MYT1L: variants seen among roughly 807,000 people sequenced by gnomAD.
MYT1L encodes myelin transcription factor 1 like, also known as myelin transcription factor 1-like protein.
A neutral mutation model predicts 126.7 loss-of-function variants in MYT1L; 12 were observed. The ratio of observed to expected loss-of-function variants is 0.09; its 90% CI spans 0.06 to 0.15. The LOEUF (loss-of-function observed/expected upper bound fraction) is 0.15, where lower values mean the gene tolerates loss of function less well. Ranked by LOEUF, MYT1L falls within the 10% of genes least tolerant of loss-of-function variation. MYT1L has a pLI of 1.00. For synonymous variants in MYT1L, 541 were observed against 604.2 expected (o/e 0.90, Z 1.53); for missense variants, 979 against 1,585.2 (o/e 0.62, Z 6.49).
chr2:2,294,923 T>C (rs2095649404), intron 1 of MYT1L, among the ~76,000 whole-genome samples: 1 of 152,148 alleles, frequency 6.6e-6, no homozygotes, highest in Admixed American at 6.5e-5. Context: ...TGTGCATAAA[T>C]GAGATCAATA....
In MYT1L at chr2:1,801,833, T is replaced by C. The variant is rs748309549; in HGVS notation, c.3173-34A>G. On this transcript the variant is annotated intron_variant, in intron 22 of 24. Transcript: ENST00000647738. This position sits in a 1 kb window ranked among gnomAD's most constrained non-coding sequence, Gnocchi z 4.2. ...ATGAATATTAGTATGTTAAAACTGTTATATACAAAAATATTAGAGTTAGAA... is the reference window on the plus strand; with the variant it reads ...ATGAATATTAGTATGTTAAAACTGTCATATACAAAAATATTAGAGTTAGAA... 1 of 1,338,678 alleles carries C rather than the reference T, an allele frequency of 7.5e-7. No homozygotes were observed. Among genetic ancestry groups the C allele is most frequent in the African/African-American group, 1.5e-5 (1 of 67,890 alleles). 82.9% of individuals were successfully genotyped at this position (1,338,678 alleles called of 1,614,324 possible). A position where few individuals can be genotyped will look rare whatever the true frequency, so the allele number is the denominator to read the frequency against.
At chr2:1,941,783 T>G (rs1178153846) in intron 9 of MYT1L, among the ~76,000 whole-genome samples, 4 of 152,336 alleles carry the variant, frequency 2.6e-5, no homozygotes, top group Middle Eastern at 3.4e-3. Context: ...TCTGTGCCTG[T>G]GTATATATGT....
chr2:2,145,556 C>G (rs11883587), intron 3 of MYT1L, among the ~76,000 whole-genome samples: 2 of 151,652 alleles, frequency 1.3e-5, no homozygotes, highest in Non-Finnish European at 2.9e-5. Context: ...AGAGCTCATT[C>G]TAAAGTAAAA....
At chr2:2,003,118 C>T (rs996347120) in intron 4 of MYT1L, among the ~76,000 whole-genome samples, 2 of 152,126 alleles carry the variant, frequency 1.3e-5, no homozygotes, top group Non-Finnish European at 2.9e-5. Flanking sequence ...TACAACTGCT[C>T]CAAAATATGC....
In MYT1L at chr2:1,917,009, G is replaced by A. The variant is rs919733859; in HGVS notation, c.1618+196C>T. On this transcript the variant is annotated intron_variant, in intron 11 of 24. Coordinates refer to ENST00000647738, the MANE Select transcript of MYT1L (RefSeq NM_001303052.2). This position sits in a 1 kb window ranked among gnomAD's most constrained non-coding sequence, Gnocchi z 5.9. ...TTTGTTAGGGGCGGTGGGCTTCATG[G>A]TGCACCACTCTCCTGGGGCTGTGCC... Among the ~76,000 whole-genome samples, 1 of 152,202 alleles carries A rather than the reference G, an allele frequency of 6.6e-6. No homozygotes were observed. The highest frequency in any genetic ancestry group is 1.5e-5 in the Non-Finnish European group (1 of 68,042).
intron 4 of MYT1L, among the ~76,000 whole-genome samples, chr2:2,031,956 G>A (rs1287373783): frequency 7.1e-6 from 1 of 141,554 alleles, no homozygotes; most frequent in Admixed American, 7.0e-5. Flanking sequence ...TAGAAGAAGG[G>A]CCTTATATAC....
intron 3 of MYT1L, among the ~76,000 whole-genome samples, chr2:2,109,429 G>A (rs2079114503): frequency 6.6e-6 from 1 of 152,116 alleles, no homozygotes; most frequent in Non-Finnish European, 1.5e-5. Flanking sequence ...GGTAGGAGGT[G>A]AATTGAGATG....
At chr2:2,143,314 T>C (rs567874594) in intron 3 of MYT1L, among the ~76,000 whole-genome samples, 5 of 146,864 alleles carry the variant, frequency 3.4e-5, no homozygotes, top group African/African-American at 1.2e-4. Flanking sequence ...AAAAAAGTTG[T>C]AGATTCTGAA....
At chr2:2,037,915 C>A (rs1205007422) in intron 4 of MYT1L, among the ~76,000 whole-genome samples, 2 of 152,084 alleles carry the variant, frequency 1.3e-5, no homozygotes, top group African/African-American at 2.4e-5. Flanking sequence ...ATCCTCAAAT[C>A]ACTGTGTAAC....
chr2:2,096,410 G>C (rs1334017126), intron 3 of MYT1L, among the ~76,000 whole-genome samples: 1 of 152,162 alleles, frequency 6.6e-6, no homozygotes. Context: ...CTTTCTCATG[G>C]GTGGTCTATA....
At chr2:1,817,613 T>A (rs930935626) in intron 21 of MYT1L, among the ~76,000 whole-genome samples, 6 of 152,092 alleles carry the variant, frequency 3.9e-5, no homozygotes, top group African/African-American at 1.4e-4. Flanking sequence ...CCAGCTCAGG[T>A]CCAATTTGGA....
At chr2:2,260,496 C>G (rs1056948007) in intron 2 of MYT1L, among the ~76,000 whole-genome samples, 2 of 152,074 alleles carry the variant, frequency 1.3e-5, no homozygotes, top group East Asian at 1.9e-4. Context: ...CTTCTAGAAC[C>G]ATTCATACTT....
chr2:2,308,121 C>T (rs936887845), intron 1 of MYT1L, among the ~76,000 whole-genome samples: 20 of 151,934 alleles, frequency 1.3e-4, no homozygotes, highest in Non-Finnish European at 2.1e-4. Context: ...GTACACTCTA[C>T]GTATACTTTA....
chr2:2,094,593 T>C (rs962882514), intron 3 of MYT1L, among the ~76,000 whole-genome samples: 1 of 152,104 alleles, frequency 6.6e-6, no homozygotes, highest in Non-Finnish European at 1.5e-5. Context: ...TATGTGGCCA[T>C]AAAAAATGAT....
intron 2 of MYT1L, among the ~76,000 whole-genome samples, chr2:2,263,693 C>T (rs563335316): frequency 2.6e-5 from 4 of 152,230 alleles, no homozygotes; most frequent in African/African-American, 9.6e-5. Context: ...TGAGTTCATC[C>T]TGATATGACT....
intron 13 of MYT1L, among the ~76,000 whole-genome samples, chr2:1,908,660 GTCT>G (rs1219351239): frequency 6.6e-6 from 1 of 152,222 alleles, no homozygotes; most frequent in Admixed American, 6.5e-5. Context: ...CCGCGGGTTG[GTCT>G]GTTTTATTGG....
intron 2 of MYT1L, among the ~76,000 whole-genome samples, chr2:2,262,954 A>ATATATATATATATATATATATC (rs1341153904): frequency 7.6e-6 from 1 of 131,918 alleles, no homozygotes; most frequent in African/African-American, 2.8e-5. Flanking sequence ...ATATATATAT[A>ATATATATATATATATATATATC]TCACAGGTAA....
At chr2:2,294,910 C>A (rs1473562509) in intron 1 of MYT1L, among the ~76,000 whole-genome samples, 1 of 152,116 alleles carries the variant, frequency 6.6e-6, no homozygotes, top group African/African-American at 2.4e-5. Flanking sequence ...GAGAAGCAAT[C>A]AATGTGCATA....
chr2:2,026,691 C>G (rs758066990), intron 4 of MYT1L, among the ~76,000 whole-genome samples: 1 of 152,116 alleles, frequency 6.6e-6, no homozygotes, highest in Non-Finnish European at 1.5e-5. Context: ...CCTGCCTCCC[C>G]GAGGCCCGGG....
Sources: gnomAD v4.1 joint callset for allele counts (sites outside exome capture counted in the v4.1 genomes callset) on GRCh38, gnomAD v4.1.1 for gene constraint, Gnocchi (gnomAD v3.1) non-coding constraint, MANE v1.5 for transcripts, NCBI Gene and HGNC (gene_info 2026-07-23, HGNC 2026-07-21) for gene names.